Variants in SELP observed in about 807,000 individuals in gnomAD.
The protein encoded by SELP is P-selectin.
Under a neutral mutation model 104.1 loss-of-function variants are expected in SELP, and 92 were observed. The ratio of observed to expected loss-of-function variants is 0.88; its 90% CI spans 0.75 to 1.05. The LOEUF (loss-of-function observed/expected upper bound fraction) is 1.05. SELP is among the 50% of genes least tolerant of loss of function. The pLI is 0.00. For missense variants in SELP, 1,022 were observed against 1,017.3 expected (o/e 1.00, Z -0.06); for synonymous variants, 397 against 364.5 (o/e 1.09, Z -1.01).
intron 10 of SELP, among the ~76,000 whole-genome samples, chr1:169,600,695 C>A (rs1309773198): frequency 6.6e-6 from 1 of 152,134 alleles, no homozygotes; most frequent in Non-Finnish European, 1.5e-5. Context: ...TGCAAAACAC[C>A]ATGTGAAAAT....
chr1:169,595,908 G>T lies in SELP; in HGVS notation c.2101+17C>A. On this transcript the variant is annotated intron_variant, in intron 12 of 16. Transcript: ENST00000263686. ...CAGGAAGGCAGGTTCAGAACTGCCTGCTCCTTTTCACCTTACCTCTGCATG... is the reference window on the plus strand; with the variant it reads ...CAGGAAGGCAGGTTCAGAACTGCCTTCTCCTTTTCACCTTACCTCTGCATG... The T allele has an allele frequency of 6.2e-7, 1 of 1,611,150 alleles. No homozygotes were observed. The highest frequency in any genetic ancestry group is 8.5e-7 in the Non-Finnish European group (1 of 1,178,332).
intron 11 of SELP, 131 bp from the exon 12 acceptor site, chr1:169,596,265 G>T: frequency 1.3e-6 from 1 of 775,644 alleles, no homozygotes; most frequent in East Asian, 2.6e-5. Flanking sequence ...AGCTATTTAA[G>T]GAAGTTAAGA....
chr1:169,588,874 C>G lies in SELP; in HGVS notation c.*589G>C, dbSNP rs570949602. 1 of 152,172 alleles carries G rather than the reference C, an allele frequency of 6.6e-6. No individual in the cohort carries two copies. The highest frequency in any genetic ancestry group is 1.5e-5 in the Non-Finnish European group (1 of 68,058). The allele number at this position is 152,172 out of a possible 1,614,324, so 9.4% of individuals were successfully genotyped here. A position where few individuals can be genotyped will look rare whatever the true frequency, so the allele number is the denominator to read the frequency against. ...TTTGGGGAAAATTCTTTTAATTACG[C>G]ATTTGAATATTGGTCTTTGGGTCAT... is the stretch of plus-strand genomic sequence containing the variant. On this transcript the variant is annotated 3_prime_UTR_variant, in exon 17 of 17. Coordinates refer to ENST00000263686, the MANE Select transcript of SELP (RefSeq NM_003005.4).
intron 14 of SELP, among the ~76,000 whole-genome samples, chr1:169,592,761 A>G (rs1262763846): frequency 6.6e-6 from 1 of 152,176 alleles, no homozygotes; most frequent in African/African-American, 2.4e-5. Context: ...CAGGAGAAAA[A>G]GCAAATCTCT....
chr1:169,591,347 T>C, intron 15 of SELP, 79 bp downstream of exon 15: 1 of 927,578 alleles, frequency 1.1e-6, no homozygotes, highest in South Asian at 1.6e-5. Flanking sequence ...GCATTGCATG[T>C]AATCATTCTG....
chr1:169,612,352 G>A lies in SELP; in HGVS notation c.826C>T (p.Leu276Phe), dbSNP rs771717266. ...TGCTGGAATGCTTTTGCAGAATGAA[G>A]GCAGGTCATGTTTCCTCGTTCAGGA... ...KIPERGNMTCLHSAKAFQHQS... is the reference protein window; with the variant it reads ...KIPERGNMTCFHSAKAFQHQS... Residue 276 changes from leucine to phenylalanine, a missense_variant, in exon 6 of 17, where the codon CTT (leucine) becomes TTT (phenylalanine). Leu to Phe is a conservative substitution (Grantham distance 22, BLOSUM62 0). Transcript: ENST00000263686. 6 of 1,614,114 alleles carry A rather than the reference G, an allele frequency of 3.7e-6. No individual in the cohort carries two copies. The South Asian group carries it at 5.5e-5, about 15-fold the overall frequency.
intron 13 of SELP, among the ~76,000 whole-genome samples, chr1:169,594,220 T>C (rs2101865414): frequency 6.6e-6 from 1 of 152,280 alleles, no homozygotes; most frequent in East Asian, 1.9e-4. Context: ...GATTCAGTTA[T>C]GTAACAAAAG....
Position 169,595,985 on chromosome 1 carries a change from C to T in SELP, c.2041G>A (p.Asp681Asn), listed in dbSNP as rs779811279. The change falls in exon 12 of 17, where the codon GAC becomes AAC. Residue 681 changes from aspartate to asparagine, a missense_variant. Asp to Asn is a conservative substitution (Grantham distance 23). Coordinates refer to ENST00000263686, the MANE Select transcript of SELP (RefSeq NM_003005.4). The stretch of plus-strand genomic sequence containing the variant: ...GAAGGTCTGCAGCTGAGAGTGCTGT[C>T]TCCTATGAGTGTGAATCCAGCGTTG... Reference protein sequence around the residue: ...GCNAGFTLIGDSTLSCRPSGQ... With the variant: ...GCNAGFTLIGNSTLSCRPSGQ... 7 of 1,613,898 alleles carry T rather than the reference C, an allele frequency of 4.3e-6. No individual in the cohort carries two copies. The highest frequency in any genetic ancestry group is 3.3e-4 in the Middle Eastern group (2 of 6,058).
At chr1:169,607,207 T>A in intron 8 of SELP, 73 bp from the exon 9 acceptor site, 1 of 1,265,920 alleles carries the variant, frequency 7.9e-7, no homozygotes, top group East Asian at 2.7e-5. Flanking sequence ...CCATTAACTC[T>A]TTCTAGTGTC....
chr1:169,620,797 G>GTC (rs1344368183), intron 1 of SELP, among the ~76,000 whole-genome samples: 1,319 of 106,190 alleles, frequency 0.012, 12 homozygotes, highest in African/African-American at 0.048. Flanking sequence ...GTGTGGGGTT[G>GTC]TGTGTGTGTG....
At chr1:169,627,130 T>C (rs920583257) in intron 1 of SELP, among the ~76,000 whole-genome samples, 4 of 152,242 alleles carry the variant, frequency 2.6e-5, no homozygotes, top group Admixed American at 1.3e-4. Context: ...ATGAGAGTTG[T>C]TGAGGATGCA....
intron 1 of SELP, among the ~76,000 whole-genome samples, chr1:169,620,206 T>C (rs1198619694): frequency 6.6e-6 from 1 of 152,112 alleles, no homozygotes; most frequent in East Asian, 1.9e-4. Flanking sequence ...AGACTCCGTC[T>C]CAAAAAAACA....
In SELP at chr1:169,603,202, C is replaced by A; in HGVS notation, c.1529G>T (p.Cys510Phe). Residue 510 changes from cysteine to phenylalanine, a missense_variant, in exon 10 of 17, where the codon TGC becomes TTC. Physicochemically the swap from Cys to Phe is radical, Grantham distance 205. Coordinates refer to ENST00000263686, the MANE Select transcript of SELP (RefSeq NM_003005.4). ...SVPPECQAIP[C>F]TPLLSPQNGT... ...ATTCTGAGGGCTTAGCAAAGGTGTG[C>A]AGGGAATGGCTATCATGGGCATGGC... The A allele has an allele frequency of 6.2e-7, 1 of 1,610,792 alleles. No homozygotes were observed. The highest frequency in any genetic ancestry group is 8.5e-7 in the Non-Finnish European group (1 of 1,177,458).
rs1205023302 is a variant in SELP at position 169,593,635 on chromosome 1, C to T, written c.2377G>A (p.Ala793Thr). ...IGLIMGGTLL[A>T]LLRKRFRQKD... The stretch of plus-strand genomic sequence containing the variant: ...TGTCTGAAACGCTTTCTTAGCAAAG[C>T]CAGGAGCGTCCCACCCATTATCAGA... The change falls in exon 14 of 17, where the codon GCT (alanine) becomes ACT (threonine). Residue 793 changes from alanine to threonine, a missense_variant. Ala to Thr is a moderately conservative substitution (Grantham distance 58). Coordinates refer to ENST00000263686, the MANE Select transcript of SELP (RefSeq NM_003005.4). 2 of 1,613,242 alleles carry T rather than the reference C, an allele frequency of 1.2e-6. No homozygotes were observed. The highest frequency in any genetic ancestry group is 1.3e-5 in the African/African-American group (1 of 74,874).
chr1:169,617,592 A>G (rs1407896906), intron 2 of SELP, among the ~76,000 whole-genome samples, 178 bp from the exon 3 acceptor site: 1 of 152,210 alleles, frequency 6.6e-6, no homozygotes, highest in African/African-American at 2.4e-5. Flanking sequence ...TCCACCTTTC[A>G]CTTAAAAGTG....
chr1:169,602,693 C>T (rs1234181143), intron 10 of SELP, among the ~76,000 whole-genome samples: 6 of 152,144 alleles, frequency 3.9e-5, no homozygotes, highest in Non-Finnish European at 2.9e-5. Context: ...CTCACTGCAA[C>T]CTCCACCTCC....
intron 9 of SELP, 89 bp downstream of exon 9, chr1:169,606,860 A>C: frequency 8.5e-7 from 1 of 1,181,994 alleles, no homozygotes; most frequent in East Asian, 2.4e-5. Context: ...TTCAAGGTGG[A>C]TCTTACATAG....
chr1:169,613,777 C>T (rs941017593), intron 3 of SELP, 84 bp from the exon 4 acceptor site: 2 of 1,116,648 alleles, frequency 1.8e-6, no homozygotes, highest in Non-Finnish European at 2.7e-6. Context: ...ACAGACTCAT[C>T]CCCTCTCAGA....
rs1057333819 is a variant in SELP, at chr1:169,609,667, C to G, written c.1170G>C (p.Glu390Asp). The G allele has an allele frequency of 6.2e-7, 1 of 1,612,512 alleles. No individual in the cohort carries two copies. Among genetic ancestry groups the G allele is most frequent in the South Asian group, 1.1e-5 (1 of 90,914 alleles). Reference sequence around the variant, plus strand: ...AATCCATGCTTCCGTGGACAGGACTCTCCAGCGGCTCACACGAAATAGCTA... The same window carrying G: ...AATCCATGCTTCCGTGGACAGGACTGTCCAGCGGCTCACACGAAATAGCTA... ...TCEAISCEPL[E>D]SPVHGSMDCS... is the part of the protein sequence containing the mutation. The change falls in exon 8 of 17, where the codon GAG (glutamate) becomes GAC (aspartate). Residue 390 changes from glutamate to aspartate, a missense_variant. Transcript: ENST00000263686.
Sources: gnomAD v4.1 joint callset for allele counts (sites outside exome capture counted in the v4.1 genomes callset) on GRCh38, gnomAD v4.1.1 for gene constraint, MANE v1.5 for transcripts, NCBI Gene and HGNC (gene_info 2026-07-23, HGNC 2026-07-21) for gene names.